KIF1B: variants seen among roughly 807,000 people sequenced by gnomAD.
KIF1B encodes kinesin family member 1B.
A neutral mutation model predicts 241.9 loss-of-function variants in KIF1B; 76 were observed. The ratio of observed to expected loss-of-function variants is 0.31; its 90% CI spans 0.26 to 0.38. The LOEUF is 0.38. Ranked by LOEUF, KIF1B falls within the 10% of genes least tolerant of loss-of-function variation. The pLI, the probability that KIF1B is intolerant of heterozygous loss-of-function variation, is 1.00. For missense variants in KIF1B, 1,622 were observed against 2,271.4 expected (o/e 0.71, Z 5.81); for synonymous variants, 750 against 796.7 (o/e 0.94, Z 0.99).
intron 27 of KIF1B, among the ~76,000 whole-genome samples, chr1:10,328,529 G>A (rs1385624118): frequency 6.6e-6 from 1 of 152,222 alleles, no homozygotes; most frequent in Non-Finnish European, 1.5e-5. Flanking sequence ...AGAAAGGTAT[G>A]TACAAATAAT....
At chr1:10,349,037 ACT>A (rs1287620992) in intron 37 of KIF1B, among the ~76,000 whole-genome samples, 1 of 151,924 alleles carries the variant, frequency 6.6e-6, no homozygotes, top group African/African-American at 2.4e-5. Context: ...TGAGTTTGAA[ACT>A]CTGTATTCCT....
At chr1:10,279,554 A>C (rs1042018958) in intron 14 of KIF1B, among the ~76,000 whole-genome samples, 1 of 152,136 alleles carries the variant, frequency 6.6e-6, no homozygotes, top group Non-Finnish European at 1.5e-5. Flanking sequence ...CCTTTTACCA[A>C]TAATCATTTT....
At chr1:10,236,953 T>A (rs1004853171) in intron 2 of KIF1B, among the ~76,000 whole-genome samples, 1 of 152,186 alleles carries the variant, frequency 6.6e-6, no homozygotes, top group Non-Finnish European at 1.5e-5. Context: ...GCTGCTTTGC[T>A]GGCAAGCTGG....
At chr1:10,211,998 G>A (rs1052623039) in intron 1 of KIF1B, among the ~76,000 whole-genome samples, 1 of 152,164 alleles carries the variant, frequency 6.6e-6, no homozygotes, top group Admixed American at 6.5e-5. Flanking sequence ...GAGGCTAGTG[G>A]CGGCATTTCT....
chr1:10,329,682 G>C (rs1164739822), intron 27 of KIF1B, among the ~76,000 whole-genome samples: 1 of 152,076 alleles, frequency 6.6e-6, no homozygotes, highest in Non-Finnish European at 1.5e-5. Flanking sequence ...GCAGTGAGCC[G>C]AGATCGCGCC....
At chr1:10,218,080 T>C (rs1646792132) in intron 1 of KIF1B, among the ~76,000 whole-genome samples, 1 of 152,122 alleles carries the variant, frequency 6.6e-6, no homozygotes, top group African/African-American at 2.4e-5. Flanking sequence ...AATAAAATCC[T>C]TCATTCCTAT....
In KIF1B at chr1:10,370,593, T is replaced by TAATAAG. The variant is rs551427169; in HGVS notation, c.4825-546_4825-545insTAAGAA. 3.0e-3 allele frequency among the ~76,000 whole-genome samples: 431 copies of TAATAAG among 141,368 alleles called. 3 individuals are homozygous for TAATAAG. The highest frequency in any genetic ancestry group is 0.011 in the African/African-American group (407 of 37,714). 92.7% of individuals were successfully genotyped at this position (141,368 alleles called of 152,430 possible). A position where few individuals can be genotyped will look rare whatever the true frequency, so the allele number is the denominator to read the frequency against. On this transcript the variant is annotated intron_variant, in intron 44 of 48. Coordinates refer to ENST00000676179, the MANE Select transcript of KIF1B (RefSeq NM_001365951.3). ...AAGAAAATAATAATAATAATAATAA[T>TAATAAG]AAGAAGAAGAAGAAGAAGAAGACAT...
At chr1:10,304,323 A>C in intron 22 of KIF1B, 1 of 1,614,210 alleles carries the variant, frequency 6.2e-7, no homozygotes, top group Non-Finnish European at 8.5e-7. Flanking sequence ...AGCCACCTCA[A>C]CTACGTTGGA....
intron 2 of KIF1B, among the ~76,000 whole-genome samples, chr1:10,252,293 G>A (rs985060148): frequency 1.3e-5 from 2 of 152,120 alleles, no homozygotes; most frequent in African/African-American, 4.8e-5. Context: ...ACCCCCCTCA[G>A]CCTCCCAAAG....
intron 38 of KIF1B, among the ~76,000 whole-genome samples, chr1:10,356,573 T>G (rs1638256099): frequency 6.6e-6 from 1 of 150,440 alleles, no homozygotes; most frequent in Admixed American, 6.7e-5. Flanking sequence ...CAGGCTAGAG[T>G]GTAGTAGCTA....
At position 10,374,790 on chromosome 1, in the gene KIF1B, T is replaced by C; in HGVS notation, c.5097-64T>C. The C allele has an allele frequency of 6.7e-7, 1 of 1,489,600 alleles. No individual in the cohort carries two copies. Among genetic ancestry groups the C allele is most frequent in the Non-Finnish European group, 9.4e-7 (1 of 1,068,250 alleles). 92.3% of individuals were successfully genotyped at this position (1,489,600 alleles called of 1,614,324 possible). On this transcript the variant is annotated intron_variant, in intron 46 of 48. Transcript: ENST00000676179. The surrounding 1 kb of genome is among the most constrained non-coding windows in gnomAD (Gnocchi z 4.3). ...TTGGCCTAAGTGTGGCGTATTTTGA[T>C]GGTCCTCAGCACGATTATTTTCTTT...
intron 38 of KIF1B, among the ~76,000 whole-genome samples, chr1:10,358,505 A>G (rs9072): frequency 6.6e-6 from 1 of 152,132 alleles, no homozygotes; most frequent in Non-Finnish European, 1.5e-5. Flanking sequence ...AGCCTCTGAA[A>G]TGGGACAAAT....
At chr1:10,233,710 C>CTTTTTTTTTTTTTT (rs61200537) in intron 2 of KIF1B, among the ~76,000 whole-genome samples, 3 of 142,650 alleles carry the variant, frequency 2.1e-5, no homozygotes, top group Non-Finnish European at 1.5e-5. Context: ...CTCAATAAAG[C>CTTTTTTTTTTTTTT]TTTTTTTTTT....
At chr1:10,263,088 G>T (rs1648237818) in intron 5 of KIF1B, among the ~76,000 whole-genome samples, 1 of 151,940 alleles carries the variant, frequency 6.6e-6, no homozygotes, top group South Asian at 2.1e-4. Context: ...TTTGAGACCA[G>T]CGTGGCCAAC....
intron 2 of KIF1B, among the ~76,000 whole-genome samples, chr1:10,240,096 G>A (rs895056315): frequency 2.6e-5 from 4 of 152,136 alleles, no homozygotes; most frequent in Non-Finnish European, 5.9e-5. Flanking sequence ...CAGAGACAGG[G>A]TTTCCCCGTA....
intron 43 of KIF1B, among the ~76,000 whole-genome samples, chr1:10,368,009 G>A (rs554032408): frequency 3.3e-5 from 5 of 152,248 alleles, no homozygotes; most frequent in African/African-American, 7.2e-5. Flanking sequence ...TTACAGGTAT[G>A]AGCCATCACA....
rs148742219 is a variant in KIF1B, at chr1:10,309,288, C to T, written c.2116-10755C>T. ...AATCGGTCTGCTTCCAGCCTCATAC[C>T]CTTTTCCTTCAGGTACTTTGTAATC... On this transcript the variant is annotated intron_variant, in intron 22 of 48. Coordinates refer to ENST00000676179, the MANE Select transcript of KIF1B (RefSeq NM_001365951.3). Among the ~76,000 whole-genome samples, 459 of 152,296 alleles carry T rather than the reference C, an allele frequency of 3.0e-3. 2 individuals carry two copies. The highest frequency in any genetic ancestry group is 5.4e-3 in the Non-Finnish European group (369 of 68,026).
chr1:10,370,325 G>A (rs541787386), intron 44 of KIF1B, among the ~76,000 whole-genome samples: 4 of 152,212 alleles, frequency 2.6e-5, no homozygotes, highest in South Asian at 2.1e-4. Flanking sequence ...AGCTTGGGAG[G>A]TCAAGGTCGA....
intron 15 of KIF1B, among the ~76,000 whole-genome samples, chr1:10,288,965 T>G (rs1649850975): frequency 6.6e-6 from 1 of 151,918 alleles, no homozygotes; most frequent in Non-Finnish European, 1.5e-5. Flanking sequence ...TGTAGATATT[T>G]ACGTTTTGGG....
Sources: gnomAD v4.1 joint callset for allele counts (sites outside exome capture counted in the v4.1 genomes callset) on GRCh38, gnomAD v4.1.1 for gene constraint, Gnocchi (gnomAD v3.1) non-coding constraint, MANE v1.5 for transcripts, NCBI Gene and HGNC (gene_info 2026-07-23, HGNC 2026-07-21) for gene names.